Variants in SYNE2 observed in about 807,000 individuals in gnomAD.
SYNE2 encodes nesprin-2.
In SYNE2, 431 loss-of-function variants were observed where a neutral mutation model predicts 856.3. The ratio of observed to expected loss-of-function variants is 0.50; its 90% CI spans 0.47 to 0.55. The LOEUF (loss-of-function observed/expected upper bound fraction) is 0.55, where lower values mean the gene tolerates loss of function less well. Among genes scored for constraint, SYNE2 ranks in the 20% least tolerant of loss-of-function variants. SYNE2 has a pLI of 0.00. For synonymous variants in SYNE2, 2,923 were observed against 2,872.3 expected, an observed-to-expected ratio of 1.02 and a Z score of -0.56; for missense variants, 8,129 against 8,023.2, an observed-to-expected ratio of 1.01 and a Z score of -0.50.
intron 85 of SYNE2, among the ~76,000 whole-genome samples, chr14:64,155,108 T>C (rs1171271801): frequency 6.6e-6 from 1 of 152,204 alleles, no homozygotes; most frequent in Non-Finnish European, 1.5e-5. Flanking sequence ...TTAGCAGTTC[T>C]ACTCCTCCAT....
At chr14:64,030,877 A>G (rs2097028767) in intron 44 of SYNE2, 139 bp from the exon 45 acceptor site, 1 of 694,044 alleles carries the variant, frequency 1.4e-6, no homozygotes, top group Admixed American at 2.9e-5. Flanking sequence ...AATTTTGCCA[A>G]AGTTTCTTCT....
In SYNE2 at chr14:64,024,206, C is replaced by T. The variant is rs779145100; in HGVS notation, c.5638-51C>T. 2.6e-6 allele frequency: 4 copies of T among 1,560,338 alleles called. No individual in the cohort carries two copies. The Admixed American group carries it at 6.7e-5, about 26-fold the overall frequency. On this transcript the variant is annotated intron_variant, in intron 38 of 115. Transcript: ENST00000555002. ...AAAAGTGTCGTGAGGGTGGCAGAGA[C>T]CACATTCAGACTTGCCAGGAGATTG...
intron 70 of SYNE2, among the ~76,000 whole-genome samples, chr14:64,123,041 G>A (rs1303512879): frequency 2.0e-5 from 3 of 151,774 alleles, no homozygotes; most frequent in Admixed American, 6.6e-5. Context: ...GGAGGTTATG[G>A]TGAGCTGAGA....
At chr14:63,787,959 G>C (rs1887599367) in intron 1 of SYNE2, among the ~76,000 whole-genome samples, 1 of 152,206 alleles carries the variant, frequency 6.6e-6, no homozygotes, top group African/African-American at 2.4e-5. Context: ...AGGGGCTTCT[G>C]CAGGCCAGTG....
rs1305752905 is a variant in SYNE2, at chr14:64,089,704, T to C, written c.11793+8T>C. The stretch of plus-strand genomic sequence containing the variant: ...CATCTCAAACATGGGGAGGTAAGCA[T>C]AGATTATTATTTAAAGTATTTTCTT... On this transcript the variant is annotated splice_region_variant and intron_variant, in intron 59 of 115. Coordinates refer to ENST00000555002, the MANE Select transcript of SYNE2 (RefSeq NM_182914.3). 3 of 1,549,274 alleles carry C rather than the reference T, an allele frequency of 1.9e-6. No individual in the cohort carries two copies. The highest frequency in any genetic ancestry group is 2.3e-5 in the East Asian group (1 of 44,248).
chr14:63,867,408 A>C (rs1352756794), intron 1 of SYNE2, among the ~76,000 whole-genome samples: 3 of 146,954 alleles, frequency 2.0e-5, no homozygotes, highest in Non-Finnish European at 4.5e-5. Context: ...AGAGAGAGAG[A>C]GAGAAAGGGC....
chr14:63,798,103 A>G (rs979124679), intron 1 of SYNE2, among the ~76,000 whole-genome samples: 2 of 152,070 alleles, frequency 1.3e-5, no homozygotes, highest in African/African-American at 4.8e-5. Context: ...ACCCAGGATA[A>G]AGTGCAGCTC....
At chr14:63,763,803 C>G (rs1440924104) in intron 1 of SYNE2, among the ~76,000 whole-genome samples, 1 of 152,116 alleles carries the variant, frequency 6.6e-6, no homozygotes, top group Non-Finnish European at 1.5e-5. Context: ...TAGCTGGAAC[C>G]ACAAGAGCGC....
rs750125057 is a variant in SYNE2 at position 64,075,959 on chromosome 14, C to T, written c.10881C>T (p.Ile3627=). The T allele has an allele frequency of 3.1e-6, 5 of 1,613,732 alleles. No homozygotes were observed. The highest frequency in any genetic ancestry group is 4.2e-6 in the Non-Finnish European group (5 of 1,179,806). The change falls in exon 54 of 116, where the codon ATC becomes ATT. Residue 3627 remains isoleucine, a synonymous_variant. Transcript: ENST00000555002. ...KSEQFEELQS[I]LKKGKLTFEN... is the part of the protein sequence containing the mutation. ...AATGCTTTTAGGAGCTTCAAAGCATCCTTAAGAAAGGGAAACTAACTTTTG... is the reference window on the plus strand; with the variant it reads ...AATGCTTTTAGGAGCTTCAAAGCATTCTTAAGAAAGGGAAACTAACTTTTG...
intron 1 of SYNE2, among the ~76,000 whole-genome samples, chr14:63,866,509 T>A (rs540570013): frequency 8.5e-5 from 13 of 152,108 alleles, no homozygotes; most frequent in South Asian, 4.2e-4. Context: ...TTCTTTTTTT[T>A]AAAAAGCTTA....
At chr14:64,222,705 G>A (rs975986884) in intron 112 of SYNE2, among the ~76,000 whole-genome samples, 5 of 152,092 alleles carry the variant, frequency 3.3e-5, no homozygotes, top group Admixed American at 1.3e-4. Flanking sequence ...CACCCTGGGC[G>A]ACAGAGTGAG....
At chr14:64,155,937 A>G (rs1382792970) in intron 85 of SYNE2, among the ~76,000 whole-genome samples, 2 of 152,158 alleles carry the variant, frequency 1.3e-5, no homozygotes, top group East Asian at 1.9e-4. Flanking sequence ...TGGCGGCACC[A>G]TTTTTGATCT....
At chr14:64,097,151 A>T (rs563442690) in intron 61 of SYNE2, among the ~76,000 whole-genome samples, 1 of 152,334 alleles carries the variant, frequency 6.6e-6, no homozygotes, top group Non-Finnish European at 1.5e-5. Flanking sequence ...CATGAATAAG[A>T]AATTTGATCT....
At chr14:63,834,639 C>A (rs911973370) in intron 1 of SYNE2, among the ~76,000 whole-genome samples, 3 of 119,532 alleles carry the variant, frequency 2.5e-5, no homozygotes, top group African/African-American at 8.6e-5. Flanking sequence ...ATTTCTTTTT[C>A]TTTCTTTTTT....
chr14:63,848,261 T>A (rs2139949807), upstream of SYNE2: 1 of 152,318 alleles, frequency 6.6e-6, no homozygotes, highest in South Asian at 2.1e-4. Context: ...TATTTATTTT[T>A]AAAGGCTTAT....
rs150847972 is a variant in SYNE2, at chr14:64,220,361, T to C, written c.19861-76T>C. On this transcript the variant is annotated intron_variant, in intron 110 of 115. Coordinates refer to ENST00000555002, the MANE Select transcript of SYNE2 (RefSeq NM_182914.3). ...TTGGAAAAGTGTGTGGAAAATTTGT[T>C]CCCTACTGAGGTTCAAAATGAGCCC... 111 of 1,515,886 alleles carry C rather than the reference T, an allele frequency of 7.3e-5. No homozygotes were observed. In the East Asian group the frequency reaches 2.5e-3, roughly 34 times the overall value. 93.9% of individuals were successfully genotyped at this position (1,515,886 alleles called of 1,614,324 possible). A position where few individuals can be genotyped will look rare whatever the true frequency, so the allele number is the denominator to read the frequency against.
chr14:64,216,041 C>T lies in SYNE2; in HGVS notation c.19403-207C>T, dbSNP rs536558638. 49 of 1,473,940 alleles carry T rather than the reference C, an allele frequency of 3.3e-5. 1 individual carries two copies. The South Asian group carries it at 3.5e-4, about 11-fold the overall frequency. The allele number at this position is 1,473,940 out of a possible 1,614,324, so 91.3% of individuals were successfully genotyped here. A position where few individuals can be genotyped will look rare whatever the true frequency, so the allele number is the denominator to read the frequency against. On this transcript the variant is annotated intron_variant, in intron 107 of 115. Transcript: ENST00000555002. ...ACAGCAAATCATGTTGGTCGTGCTC[C>T]GTTGTGTACCCATCTAGTGAAGGCA...
intron 1 of SYNE2, among the ~76,000 whole-genome samples, chr14:63,871,091 G>A (rs910331986): frequency 1.6e-4 from 25 of 151,978 alleles, no homozygotes; most frequent in African/African-American, 5.8e-4. Context: ...TATTTAGTAC[G>A]AACTCTCCAT....
rs2098628679 is a variant in SYNE2 at position 64,209,413 on chromosome 14, C to T, written c.18390-15C>T. 6.2e-7 allele frequency: 1 copy of T among 1,614,106 alleles called. No individual in the cohort carries two copies. Among genetic ancestry groups the T allele is most frequent in the South Asian group, 1.1e-5 (1 of 91,086 alleles). On this transcript the variant is annotated splice_polypyrimidine_tract_variant and intron_variant, in intron 101 of 115. Coordinates refer to ENST00000555002, the MANE Select transcript of SYNE2 (RefSeq NM_182914.3). The stretch of plus-strand genomic sequence containing the variant: ...GGAGGGGATGGCTTGTGTTAAGTTG[C>T]TTTGCTCCCATCAGAATCGAGGAGA...
Sources: gnomAD v4.1 joint callset for allele counts (sites outside exome capture counted in the v4.1 genomes callset) on GRCh38, gnomAD v4.1.1 for gene constraint, MANE v1.5 for transcripts, NCBI Gene and HGNC (gene_info 2026-07-23, HGNC 2026-07-21) for gene names.